RASEF: variants seen among roughly 807,000 people sequenced by gnomAD.
RASEF encodes the protein ras and EF-hand domain-containing protein.
Under a neutral mutation model 90.1 loss-of-function variants are expected in RASEF, and 68 were observed. That is an observed-to-expected ratio of 0.75 (90% CI 0.62 to 0.92). RASEF has a LOEUF of 0.92. RASEF is among the 40% of genes least tolerant of loss of function. The pLI is 0.00. For missense variants in RASEF, 949 were observed against 937.2 expected (o/e 1.01, Z -0.16); for synonymous variants, 331 against 345.2 (o/e 0.96, Z 0.46).
chr9:83,009,698 T>C lies in RASEF; in HGVS notation c.902A>G (p.Gln301Arg). ...ACTTTTCAAAGCATCTAACTCACTC[T>C]GAAGAAAGGCTATGTTTGTCTGTGC... ...LEAQTNIAFL[Q>R]SELDALKSDY... The change falls in exon 6 of 17, where the codon CAG (glutamine) becomes CGG (arginine). Residue 301 changes from glutamine (Q) to arginine (R), a missense_variant. Physicochemically the swap from Gln to Arg is conservative, Grantham distance 43 (BLOSUM62 1). Around this residue, in one of 3 missense-constraint regions of RASEF, gnomAD observed 656 missense variants for 592.2 expected, o/e 1.11. Coordinates refer to ENST00000376447, the MANE Select transcript of RASEF (RefSeq NM_152573.4). The C allele has an allele frequency of 1.9e-6, 3 of 1,613,762 alleles. No individual in the cohort carries two copies. Among genetic ancestry groups the C allele is most frequent in the Admixed American group, 3.3e-5 (2 of 60,022 alleles).
chr9:83,156,120 A>T, the RASEF span, among the ~76,000 whole-genome samples: 1 of 152,210 alleles, frequency 6.6e-6, no homozygotes, highest in African/African-American at 2.4e-5. Flanking sequence ...GTCTCACACA[A>T]TTACAAAAAT....
chr9:83,097,082 G>A, the RASEF span, among the ~76,000 whole-genome samples: 11 of 152,006 alleles, frequency 7.2e-5, no homozygotes, highest in Admixed American at 1.3e-4. Context: ...GAATAGTGCC[G>A]CAATAAACAT....
intron 1 of RASEF, among the ~76,000 whole-genome samples, chr9:83,040,900 G>T (rs369051775): frequency 6.6e-6 from 1 of 151,890 alleles, no homozygotes; most frequent in Admixed American, 6.6e-5. Flanking sequence ...CACTCTTGTC[G>T]CCCAGGCTGG....
chr9:83,140,212 T>C, the RASEF span, among the ~76,000 whole-genome samples: 2 of 152,160 alleles, frequency 1.3e-5, no homozygotes, highest in Non-Finnish European at 2.9e-5. Flanking sequence ...AAGCCTATAA[T>C]ACCGAGTCAT....
the RASEF span, among the ~76,000 whole-genome samples, chr9:83,192,962 C>G: frequency 6.6e-6 from 1 of 152,172 alleles, no homozygotes; most frequent in Non-Finnish European, 1.5e-5. Flanking sequence ...GCCCAGGATT[C>G]TAGTGAGAAA....
chr9:83,096,776 C>T, the RASEF span, among the ~76,000 whole-genome samples: 6 of 151,686 alleles, frequency 4.0e-5, no homozygotes, highest in African/African-American at 1.5e-4. Flanking sequence ...TGCTATCCCT[C>T]CCCCCTCCAC....
At chr9:83,127,888 C>G in the RASEF span, among the ~76,000 whole-genome samples, 1 of 152,126 alleles carries the variant, frequency 6.6e-6, no homozygotes, top group Non-Finnish European at 1.5e-5. Context: ...ATCAAACCTG[C>G]TAGTGATGGA....
chr9:83,124,108 T>G, the RASEF span, among the ~76,000 whole-genome samples: 7 of 152,248 alleles, frequency 4.6e-5, no homozygotes, highest in African/African-American at 1.7e-4. Flanking sequence ...TCATTCATGT[T>G]GTAGCATGTG....
chr9:83,065,533 G>A (rs1159189548), upstream of RASEF, among the ~76,000 whole-genome samples: 1 of 152,154 alleles, frequency 6.6e-6, no homozygotes, highest in Non-Finnish European at 1.5e-5. Context: ...CCATTGACAA[G>A]TCACATTGGC....
the RASEF span, among the ~76,000 whole-genome samples, chr9:83,090,228 G>A: frequency 3.3e-5 from 5 of 152,104 alleles, no homozygotes; most frequent in African/African-American, 1.2e-4. Flanking sequence ...TCTATTTCAT[G>A]AGACATTATT....
At chr9:83,114,069 G>A in the RASEF span, among the ~76,000 whole-genome samples, 4 of 152,230 alleles carry the variant, frequency 2.6e-5, no homozygotes, top group African/African-American at 7.2e-5. Context: ...TCTTAGACCG[G>A]CCAACACTTA....
At chr9:83,149,971 C>T in the RASEF span, among the ~76,000 whole-genome samples, 1 of 152,162 alleles carries the variant, frequency 6.6e-6, no homozygotes, top group Non-Finnish European at 1.5e-5. Flanking sequence ...CACAAGAATA[C>T]CCTTATTTCA....
At chr9:83,002,102 T>C (rs926621123) in intron 9 of RASEF, among the ~76,000 whole-genome samples, 21 of 152,236 alleles carry the variant, frequency 1.4e-4, no homozygotes, top group African/African-American at 4.8e-4. Context: ...ATTATGGTTA[T>C]GACTTATTTA....
chr9:83,102,363 A>G, the RASEF span, among the ~76,000 whole-genome samples: 1 of 152,156 alleles, frequency 6.6e-6, no homozygotes, highest in Non-Finnish European at 1.5e-5. Flanking sequence ...ACTGTATAAG[A>G]GCAGAAACAA....
At chr9:83,064,047 CTG>C (rs1277635853), upstream of RASEF, among the ~76,000 whole-genome samples, 3 of 152,150 alleles carry the variant, frequency 2.0e-5, no homozygotes, top group Non-Finnish European at 4.4e-5. Context: ...CTTTCTGACT[CTG>C]TATTTTTCTT....
the RASEF span, among the ~76,000 whole-genome samples, chr9:83,074,300 T>C: frequency 9.8e-5 from 15 of 152,346 alleles, no homozygotes; most frequent in African/African-American, 3.6e-4. Context: ...GAAAAATCTT[T>C]CAAATAACCT....
chr9:83,072,823 G>A, the RASEF span, among the ~76,000 whole-genome samples: 1 of 152,110 alleles, frequency 6.6e-6, no homozygotes, highest in Non-Finnish European at 1.5e-5. Flanking sequence ...TGACTCAAAT[G>A]TTAATCTCCT....
chr9:83,056,475 T>C (rs916318603), intron 1 of RASEF, among the ~76,000 whole-genome samples: 2 of 152,218 alleles, frequency 1.3e-5, no homozygotes, highest in Non-Finnish European at 2.9e-5. Context: ...CAAGAAGGCA[T>C]ACTGTGTATA....
the RASEF span, among the ~76,000 whole-genome samples, chr9:83,096,036 A>G: frequency 2.0e-5 from 3 of 152,162 alleles, no homozygotes; most frequent in Non-Finnish European, 4.4e-5. Context: ...AGTAAAAAGG[A>G]CTTAATAGAG....
Sources: allele counts gnomAD v4.1 joint callset (sites outside exome capture counted in the v4.1 genomes callset), GRCh38; gene constraint gnomAD v4.1.1; regional missense constraint gnomAD v4.1.1; transcripts MANE v1.5; gene names NCBI Gene and HGNC (gene_info 2026-07-23, HGNC 2026-07-21).